FAN1: variants seen among roughly 807,000 people sequenced by gnomAD.
FAN1 encodes FANCD2 and FANCI associated nuclease 1.
FAN1 carries 91 observed loss-of-function variants against 104.9 expected under a neutral mutation model. The observed-to-expected ratio is 0.87, with a 90% CI of 0.73 to 1.03. FAN1 has a LOEUF of 1.03. Among genes scored for constraint, FAN1 ranks in the 50% least tolerant of loss-of-function variants. FAN1 has a pLI of 0.00. For missense variants in FAN1, 1,263 were observed against 1,239.9 expected, an observed-to-expected ratio of 1.02 and a Z score of -0.28; for synonymous variants, 478 against 457.6, an observed-to-expected ratio of 1.04 and a Z score of -0.57.
chr15:30,933,290 T>C (rs527587260), intron 13 of FAN1, among the ~76,000 whole-genome samples: 3 of 152,334 alleles, frequency 2.0e-5, no homozygotes, highest in Non-Finnish European at 4.4e-5. Flanking sequence ...TCAGTGCTGC[T>C]TTATCTGAAC....
rs2062880546 is a variant in FAN1, at chr15:30,937,234, C to G, written c.3032C>G (p.Ala1011Gly). 1 of 1,613,730 alleles carries G rather than the reference C, an allele frequency of 6.2e-7. No individual in the cohort carries two copies. The highest frequency in any genetic ancestry group is 8.5e-7 in the Non-Finnish European group (1 of 1,179,962). Reference protein sequence around the residue: ...VEVCHVVAVGAKSQSLS With the variant: ...VEVCHVVAVGGKSQSLS ...GTCTGCCATGTGGTTGCAGTTGGAG[C>G]TAAGAGCCAAAGCCTTAGCTAAAAG... Residue 1011 changes from alanine to glycine, a missense_variant, in exon 14 of 15, where the codon GCT becomes GGT. This residue lies in a region of FAN1 where 581 missense variants were observed against 668.8 expected (regional missense o/e 0.87). Coordinates refer to ENST00000362065, the MANE Select transcript of FAN1 (RefSeq NM_014967.5).
intron 6 of FAN1, 85 bp from the exon 7 acceptor site, chr15:30,920,460 A>G (rs576172979): frequency 5.3e-5 from 46 of 868,044 alleles, no homozygotes; most frequent in Middle Eastern, 4.6e-4. Flanking sequence ...AAAGATAGGA[A>G]TTCAGTCTGC....
chr15:30,940,840 T>G (rs551691871), intron 14 of FAN1: 1 of 989,314 alleles, frequency 1.0e-6, no homozygotes, highest in South Asian at 4.6e-5. Context: ...AGTTTAATTA[T>G]CTGCAGCAAA....
At chr15:30,932,716 C>CTTTTT (rs60673122) in intron 13 of FAN1, among the ~76,000 whole-genome samples, 4 of 134,362 alleles carry the variant, frequency 3.0e-5, no homozygotes, top group South Asian at 2.3e-4. Context: ...TGTTTCTTTT[C>CTTTTT]TTTTTTTTTT....
chr15:30,937,447 CTTTTTTTTTT>C (rs11317050), intron 14 of FAN1, among the ~76,000 whole-genome samples, 188 bp downstream of exon 14: 6 of 78,982 alleles, frequency 7.6e-5, no homozygotes, highest in African/African-American at 1.0e-4. Context: ...GGGTAATAAA[CTTTTTTTTTT>C]TTTTTTTTTT....
chr15:30,938,771 C>T (rs965777864), intron 14 of FAN1, among the ~76,000 whole-genome samples: 14 of 152,104 alleles, frequency 9.2e-5, no homozygotes, highest in Non-Finnish European at 1.8e-4. Flanking sequence ...ATGGCTTTAA[C>T]TTTAGCCACT....
chr15:30,918,051 C>A, intron 5 of FAN1, 113 bp from the exon 6 acceptor site: 4 of 1,048,488 alleles, frequency 3.8e-6, no homozygotes, highest in South Asian at 3.1e-5. Flanking sequence ...AAGTGGCCCT[C>A]ATATTTTAAA....
rs1262283918 is a variant in FAN1, at chr15:30,918,185, G to A, written c.1833G>A (p.Met611Ile). ...CCAGATATGCAGCAGCCACGCACAT[G>A]CTGAGTGACATTTCTTCCGCAATGG... ...DLIRYAAATH[M>I]LSDISSAMAN... The change falls in exon 6 of 15, where the codon ATG becomes ATA. Residue 611 changes from methionine (M) to isoleucine (I), a missense_variant. Transcript: ENST00000362065. The A allele has an allele frequency of 1.9e-6, 3 of 1,614,022 alleles. No individual in the cohort carries two copies. Among genetic ancestry groups the A allele is most frequent in the Non-Finnish European group, 2.5e-6 (3 of 1,180,010 alleles).
At chr15:30,932,716 CT>C (rs60673122) in intron 13 of FAN1, among the ~76,000 whole-genome samples, 6,587 of 134,252 alleles carry the variant, frequency 0.049, 464 homozygotes, top group African/African-American at 0.17. Context: ...TGTTTCTTTT[CT>C]TTTTTTTTTT....
rs553751221 is a variant in FAN1, at chr15:30,940,893, A to G, written c.*4-673A>G. 8.5e-5 allele frequency: 87 copies of G among 1,023,134 alleles called. No individual in the cohort carries two copies. The African/African-American group carries it at 1.4e-3, about 17-fold the overall frequency. The allele number at this position is 1,023,134 out of a possible 1,614,324, so 63.4% of individuals were successfully genotyped here. A position where few individuals can be genotyped will look rare whatever the true frequency, so the allele number is the denominator to read the frequency against. On this transcript the variant is annotated intron_variant, in intron 14 of 14. Coordinates refer to ENST00000362065, the MANE Select transcript of FAN1 (RefSeq NM_014967.5). Reference sequence around the variant, plus strand: ...TGCATATCATTTTAAAGTTGACCCTATGAAGTTAAAAGCAAACTCATGATT... The same window carrying G: ...TGCATATCATTTTAAAGTTGACCCTGTGAAGTTAAAAGCAAACTCATGATT...
chr15:30,942,682 A>G lies in FAN1; in HGVS notation c.*1120A>G, dbSNP rs1302611998. ...GCAGGCTCAAAGCTGCAATCTGCCC[A>G]CTCTCAGGTACTGAGACTTTGTGGG... is the stretch of plus-strand genomic sequence containing the variant. On this transcript the variant is annotated 3_prime_UTR_variant, in exon 15 of 15. Coordinates refer to ENST00000362065, the MANE Select transcript of FAN1 (RefSeq NM_014967.5). 6 of 514,490 alleles carry G rather than the reference A, an allele frequency of 1.2e-5. No homozygotes were observed. Among genetic ancestry groups the G allele is most frequent in the Middle Eastern group, 5.0e-4 (1 of 2,008 alleles). The allele number at this position is 514,490 out of a possible 1,614,324, so 31.9% of individuals were successfully genotyped here. A position where few individuals can be genotyped will look rare whatever the true frequency, so the allele number is the denominator to read the frequency against.
rs781500042 is a variant in FAN1 at position 30,925,288 on chromosome 15, A to G, written c.2334A>G (p.Lys778=). The G allele has an allele frequency of 6.2e-7, 1 of 1,613,820 alleles. No homozygotes were observed. The highest frequency in any genetic ancestry group is 1.7e-5 in the Admixed American group (1 of 60,004). The change falls in exon 9 of 15, where the codon AAA becomes AAG. Residue 778 remains lysine, a synonymous_variant. Coordinates refer to ENST00000362065, the MANE Select transcript of FAN1 (RefSeq NM_014967.5). ...QLPEMAVQDV[K]HVTITGRLCP... is the part of the protein sequence containing the mutation. ...CAGAAATGGCTGTGCAAGATGTGAAACACGTGAGGAAAGAGCCTGTGGGTG... is the reference window on the plus strand; with the variant it reads ...CAGAAATGGCTGTGCAAGATGTGAAGCACGTGAGGAAAGAGCCTGTGGGTG...
In FAN1 at chr15:30,942,724, GA is replaced by G. The variant is rs1446829675; in HGVS notation, c.*1165del. The G allele has an allele frequency of 2.9e-6, 2 of 686,836 alleles. No individual in the cohort carries two copies. The highest frequency in any genetic ancestry group is 4.5e-6 in the Non-Finnish European group (2 of 442,224). The allele number at this position is 686,836 out of a possible 1,614,324, so 42.5% of individuals were successfully genotyped here. On this transcript the variant is annotated 3_prime_UTR_variant, in exon 15 of 15. Coordinates refer to ENST00000362065, the MANE Select transcript of FAN1 (RefSeq NM_014967.5). ...CTTTGTGGGCCTCAGACACCAGGAA[GA>G]AAGCTGGGATACAGTCATTTGAGTT...
Position 30,913,952 on chromosome 15 carries a change from A to G in FAN1, c.1672A>G (p.Met558Val), listed in dbSNP as rs771292067. 8 of 1,614,174 alleles carry G rather than the reference A, an allele frequency of 5.0e-6. No individual in the cohort carries two copies. Among genetic ancestry groups the G allele is most frequent in the Non-Finnish European group, 6.8e-6 (8 of 1,180,026 alleles). Residue 558 changes from methionine to valine, a missense_variant, in exon 5 of 15, where the codon ATG becomes GTG. Met to Val is a conservative substitution (Grantham distance 21, BLOSUM62 1). Around this residue, in one of 2 missense-constraint regions of FAN1, gnomAD observed 581 missense variants for 668.8 expected, o/e 0.87. Coordinates refer to ENST00000362065, the MANE Select transcript of FAN1 (RefSeq NM_014967.5). ...GCTACTGTTTTCGTTGACCGACTCA[A>G]TGGAAGATGAAGACGCCGCTTGTGG... ...ILLLFSLTDS[M>V]EDEDAACGGQ...
intron 14 of FAN1, chr15:30,940,079 GCTAA>G: frequency 1.0e-6 from 1 of 983,260 alleles, no homozygotes; most frequent in Non-Finnish European, 1.2e-6. Context: ...AAGGAAATAA[GCTAA>G]CTAGACACTT....
At chr15:30,930,472 G>T in intron 12 of FAN1, 71 bp from the exon 13 acceptor site, 1 of 1,518,912 alleles carries the variant, frequency 6.6e-7, no homozygotes. Context: ...TCTCCGTCTC[G>T]TGATCCCTGG....
At position 30,927,267 on chromosome 15, in the gene FAN1, G is replaced by A. The variant is rs142193720; in HGVS notation, c.2489-1286G>A. 1,015 of 985,462 alleles carry A rather than the reference G, an allele frequency of 1.0e-3. 10 individuals carry two copies. In the African/African-American group the frequency reaches 0.016, roughly 16 times the overall value. The allele number at this position is 985,462 out of a possible 1,614,324, so 61.0% of individuals were successfully genotyped here. ...CTGGCCTTTATATTCCTGCCTGATC[G>A]TCAGTGTATTCACCAGGACGGAACA... On this transcript the variant is annotated intron_variant, in intron 10 of 14. Coordinates refer to ENST00000362065, the MANE Select transcript of FAN1 (RefSeq NM_014967.5).
At chr15:30,913,189 T>C (rs1451140740) in intron 4 of FAN1, among the ~76,000 whole-genome samples, 1 of 152,164 alleles carries the variant, frequency 6.6e-6, no homozygotes, top group Non-Finnish European at 1.5e-5. Flanking sequence ...GGCATTAGAT[T>C]CTCATAGGAG....
chr15:30,911,353 C>T (rs2062097536), intron 4 of FAN1: 3 of 984,994 alleles, frequency 3.0e-6, no homozygotes, highest in Admixed American at 6.1e-5. Flanking sequence ...TATATCAACT[C>T]TAGCCTGGGA....
Sources: gnomAD v4.1 joint callset for allele counts (sites outside exome capture counted in the v4.1 genomes callset) on GRCh38, gnomAD v4.1.1 for gene constraint, gnomAD v4.1.1 regional missense constraint, MANE v1.5 for transcripts, NCBI Gene and HGNC (gene_info 2026-07-23, HGNC 2026-07-21) for gene names.